The following DNAH12 variants were observed in gnomAD, a reference collection of about 807,000 sequenced individuals.
DNAH12 encodes axonemal beta dynein heavy chain 12.
In DNAH12, 285 loss-of-function variants were observed where a neutral mutation model predicts 371.5. That is an observed-to-expected ratio of 0.77 (90% confidence interval 0.70 to 0.85). The LOEUF is 0.85. DNAH12 is among the 40% of genes least tolerant of loss of function. The pLI is 0.00. For synonymous variants in DNAH12, 1,200 were observed against 1,213.0 expected (o/e 0.99, Z 0.22); for missense variants, 3,611 against 3,689.4 (o/e 0.98, Z 0.55).
chr3:57,342,295 C>A (rs567973889), intron 60 of DNAH12, among the ~76,000 whole-genome samples: 1 of 151,766 alleles, frequency 6.6e-6, no homozygotes, highest in Non-Finnish European at 1.5e-5. Context: ...AAAGCTTCTG[C>A]ACACCAAAAG....
chr3:57,426,561 G>A (rs1205110922), intron 34 of DNAH12, among the ~76,000 whole-genome samples: 1 of 152,124 alleles, frequency 6.6e-6, no homozygotes, highest in African/African-American at 2.4e-5. Flanking sequence ...TGGACCAGGT[G>A]GCTCATGCCT....
intron 30 of DNAH12, 30 bp from the exon 31 acceptor site, chr3:57,433,858 AAG>A (rs1443683062): frequency 6.5e-5 from 96 of 1,471,228 alleles, no homozygotes; most frequent in Middle Eastern, 1.8e-4. Context: ...ATTATACAAT[AAG>A]AGTCTTTAAA....
chr3:57,400,750 A>G (rs1188917363), intron 43 of DNAH12, among the ~76,000 whole-genome samples: 2 of 152,212 alleles, frequency 1.3e-5, no homozygotes, highest in South Asian at 2.1e-4. Flanking sequence ...GCCACAAGTA[A>G]GGGGGGACTA....
chr3:57,326,791 C>T (rs1312433299), intron 62 of DNAH12, among the ~76,000 whole-genome samples: 1 of 152,160 alleles, frequency 6.6e-6, no homozygotes, highest in Non-Finnish European at 1.5e-5. Flanking sequence ...CAAGACCCAT[C>T]AGTGTGTTGT....
intron 28 of DNAH12, 36 bp downstream of exon 28, chr3:57,445,138 A>C: frequency 6.7e-7 from 1 of 1,487,612 alleles, no homozygotes. Flanking sequence ...TTATCTTTCT[A>C]CTGAAACTTT....
rs1176721728 is a variant in DNAH12, at chr3:57,499,647, A to AATATATATATATAT, written c.1335+1660_1335+1673dup. The stretch of plus-strand genomic sequence containing the variant: ...CATCTCTACAAAAAAAAAAAAAAAA[A>AATATATATATATAT]ATATATATATATATATATATATATA... On this transcript the variant is annotated intron_variant, in intron 11 of 73. Coordinates refer to ENST00000495027, the MANE Select transcript of DNAH12 (RefSeq NM_001366028.2). Among the ~76,000 whole-genome samples, 83 of 17,936 alleles carry AATATATATATATAT rather than the reference A, an allele frequency of 4.6e-3. 2 individuals carry two copies. Among genetic ancestry groups the AATATATATATATAT allele is most frequent in the Non-Finnish European group, 8.9e-3 (74 of 8,346 alleles). The allele number at this position is 17,936 out of a possible 152,430, so 11.8% of individuals were successfully genotyped here.
At chr3:57,444,160 C>T (rs1307812689) in intron 29 of DNAH12, among the ~76,000 whole-genome samples, 2 of 151,904 alleles carry the variant, frequency 1.3e-5, no homozygotes, top group South Asian at 2.1e-4. Flanking sequence ...GCGATTGCAC[C>T]ATTGCACTCC....
chr3:57,377,868 A>T (rs1202926993), intron 52 of DNAH12, among the ~76,000 whole-genome samples: 1 of 152,134 alleles, frequency 6.6e-6, no homozygotes, highest in Non-Finnish European at 1.5e-5. Flanking sequence ...GCATCCTCCA[A>T]GCCCTTGGTA....
chr3:57,438,918 C>CGGGAAAAAAAAAAA (rs562343761), intron 29 of DNAH12, among the ~76,000 whole-genome samples: 1 of 94,496 alleles, frequency 1.1e-5, no homozygotes, highest in South Asian at 4.4e-4. Flanking sequence ...CTGTCTCAGA[C>CGGGAAAAAAAAAAA]AAAAAAAAAA....
intron 39 of DNAH12, among the ~76,000 whole-genome samples, chr3:57,409,891 A>C (rs1291140184): frequency 2.0e-5 from 3 of 152,166 alleles, no homozygotes; most frequent in African/African-American, 7.2e-5. Flanking sequence ...GGAGAATGGA[A>C]GGGTTATCCA....
chr3:57,433,868 A>C (rs2065036294), intron 30 of DNAH12, 40 bp from the exon 31 acceptor site: 1 of 1,429,116 alleles, frequency 7.0e-7, no homozygotes, highest in Non-Finnish European at 9.2e-7. Context: ...AAGAGTCTTT[A>C]AAGAGTTAAA....
chr3:57,523,440 C>T (rs923811949), intron 4 of DNAH12, 143 bp downstream of exon 4: 3 of 663,918 alleles, frequency 4.5e-6, no homozygotes, highest in South Asian at 2.3e-5. Flanking sequence ...ATGTTTGCTC[C>T]CTTGGGAAGA....
chr3:57,353,568 A>G (rs1455004357), intron 59 of DNAH12, among the ~76,000 whole-genome samples: 2 of 152,220 alleles, frequency 1.3e-5, no homozygotes, highest in Non-Finnish European at 2.9e-5. Context: ...CAGCAAAAGA[A>G]ACTATCAACA....
At chr3:57,393,949 T>G (rs2063685780) in intron 44 of DNAH12, among the ~76,000 whole-genome samples, 1 of 152,136 alleles carries the variant, frequency 6.6e-6, no homozygotes, top group Non-Finnish European at 1.5e-5. Context: ...TGAAACAAAC[T>G]GCCATTATGA....
At chr3:57,381,924 G>A (rs2063401145) in intron 50 of DNAH12, among the ~76,000 whole-genome samples, 1 of 151,544 alleles carries the variant, frequency 6.6e-6, no homozygotes, top group Non-Finnish European at 1.5e-5. Flanking sequence ...CTGGAGTGCA[G>A]TGGCACAATC....
chr3:57,346,791 AG>A (rs1328367303), intron 60 of DNAH12, among the ~76,000 whole-genome samples: 1 of 152,152 alleles, frequency 6.6e-6, no homozygotes, highest in African/African-American at 2.4e-5. Context: ...ACACTAATGA[AG>A]GGGAAGTAGG....
At chr3:57,488,229 G>A (rs2066999640) in intron 12 of DNAH12, among the ~76,000 whole-genome samples, 1 of 152,096 alleles carries the variant, frequency 6.6e-6, no homozygotes, top group Non-Finnish European at 1.5e-5. Flanking sequence ...GTCTCGCACT[G>A]TAGCCCGGGC....
chr3:57,299,724 G>A (rs775111067), intron 70 of DNAH12, among the ~76,000 whole-genome samples: 28 of 152,206 alleles, frequency 1.8e-4, no homozygotes, highest in Non-Finnish European at 3.4e-4. Flanking sequence ...TTCTCTCATC[G>A]TGAACCAGGA....
chr3:57,436,600 T>C (rs923950478), intron 30 of DNAH12, among the ~76,000 whole-genome samples: 2 of 152,224 alleles, frequency 1.3e-5, no homozygotes, highest in East Asian at 1.9e-4. Flanking sequence ...CTTCCAGGTA[T>C]GATACAAAGG....
Sources: allele counts gnomAD v4.1 joint callset (sites outside exome capture counted in the v4.1 genomes callset), GRCh38; gene constraint gnomAD v4.1.1; transcripts MANE v1.5; gene names NCBI Gene and HGNC (gene_info 2026-07-23, HGNC 2026-07-21).